Variants in AURKB observed in about 807,000 individuals in gnomAD.
AURKB encodes the protein aurora kinase B-Sv1.
In AURKB, 28 loss-of-function variants were observed where a neutral mutation model predicts 36.5. The observed-to-expected ratio is 0.77, with a 90% CI of 0.57 to 1.05. The LOEUF is 1.05. Ranked by LOEUF, AURKB falls within the 50% of genes least tolerant of loss-of-function variation. The probability of loss-of-function intolerance (pLI) is 0.00; values close to 1 mark genes in which losing one functional copy is unlikely to be tolerated. For synonymous variants in AURKB, 175 were observed against 172.9 expected (o/e 1.01, Z -0.09); for missense variants, 383 against 447.4 (o/e 0.86, Z 1.30).
chr17:8,210,066 T>A, intron 2 of AURKB, 111 bp downstream of exon 2: 1 of 1,409,952 alleles, frequency 7.1e-7, no homozygotes, highest in Middle Eastern at 2.1e-4. Flanking sequence ...CTTTGGAGCA[T>A]AACGGGGAAG....
intron 5 of AURKB, 87 bp downstream of exon 5, chr17:8,207,089 G>A: frequency 2.7e-6 from 4 of 1,507,838 alleles, no homozygotes; most frequent in Non-Finnish European, 3.6e-6. Flanking sequence ...TAGCTACAGA[G>A]AAAGCAATCT....
chr17:8,205,175 T>G (rs1192327349), intron 8 of AURKB, 41 bp downstream of exon 8: 1 of 1,581,500 alleles, frequency 6.3e-7, no homozygotes, highest in Non-Finnish European at 8.6e-7. Context: ...CCCCAGCTCC[T>G]GGCTTCAGCA....
At position 8,206,360 on chromosome 17, in the gene AURKB, A is replaced by G; in HGVS notation, c.686+131T>C. 1 of 1,102,008 alleles carries G rather than the reference A, an allele frequency of 9.1e-7. No homozygotes were observed. The highest frequency in any genetic ancestry group is 1.3e-6 in the Non-Finnish European group (1 of 784,920). The allele number at this position is 1,102,008 out of a possible 1,614,324, so 68.3% of individuals were successfully genotyped here. ...TGGCAAATCTAGTCTCGAACTCCTG[A>G]CCTCAGGTGATCCGCCCTCCTCGGC... On this transcript the variant is annotated intron_variant, in intron 7 of 8. Transcript: ENST00000585124. The surrounding 1 kb of genome is among the most constrained non-coding windows in gnomAD (Gnocchi z 4.2).
rs767082154 is a variant in AURKB, at chr17:8,207,365, C to T, written c.209G>A (p.Arg70Gln). 35 of 1,611,822 alleles carry T rather than the reference C, an allele frequency of 2.2e-5. No homozygotes were observed. The highest frequency in any genetic ancestry group is 3.3e-5 in the South Asian group (3 of 91,024). The change falls in exon 5 of 9, where the codon CGG (arginine) becomes CAG (glutamine). Residue 70 changes from arginine to glutamine, a missense_variant and splice_region_variant. Physicochemically the swap from Arg to Gln is conservative, Grantham distance 43 (BLOSUM62 1). Transcript: ENST00000585124. ...CTCAAAGTCATCAATTGTGAAGTGC[C>T]GCCTGCTTAGAAAGTGGAGGAAGGC... Reference protein sequence around the residue: ...NSSGTPDILTRHFTIDDFEIG... With the variant: ...NSSGTPDILTQHFTIDDFEIG...
rs765003013 is a variant in AURKB, at chr17:8,207,570, C to T, written c.206+1G>A. 10 of 1,613,212 alleles carry T rather than the reference C, an allele frequency of 6.2e-6. No individual in the cohort carries two copies. The highest frequency in any genetic ancestry group is 5.3e-5 in the African/African-American group (4 of 74,888). The stretch of plus-strand genomic sequence containing the variant: ...TCCACCCCCAGGCTTGGGGCACTTA[C>T]GTTAAGATGTCGGGTGTCCCACTGC... On this transcript the variant is annotated splice_donor_variant, in intron 4 of 8. Transcript: ENST00000585124. LOFTEE classifies it high-confidence loss of function.
At chr17:8,207,097 T>C in intron 5 of AURKB, 79 bp downstream of exon 5, 1 of 1,521,096 alleles carries the variant, frequency 6.6e-7, no homozygotes, top group Non-Finnish European at 8.9e-7. Context: ...GAGAAAGCAA[T>C]CTGGATGAAG....
intron 2 of AURKB, among the ~76,000 whole-genome samples, chr17:8,208,552 T>G (rs1170286871): frequency 6.6e-6 from 1 of 151,310 alleles, no homozygotes; most frequent in African/African-American, 2.4e-5. Flanking sequence ...GATCGCACCA[T>G]TGCACTCCAG....
chr17:8,205,320 T>G lies in AURKB; in HGVS notation c.757A>C (p.Lys253Gln). The change falls in exon 8 of 9, where the codon AAG (lysine) becomes CAG (glutamine). Residue 253 changes from lysine to glutamine, a missense_variant. Coordinates refer to ENST00000585124, the MANE Select transcript of AURKB (RefSeq NM_004217.4). ...EMIEGRMHNE[K>Q]VDLWCIGVLC... ...ACTCCAATGCACCACAGATCCACCT[T>G]CTCATTGTGCATGCGCCCCTCAATC... 6.2e-7 allele frequency: 1 copy of G among 1,614,100 alleles called. No homozygotes were observed. Among genetic ancestry groups the G allele is most frequent in the Non-Finnish European group, 8.5e-7 (1 of 1,180,024 alleles).
chr17:8,210,315 C>T, intron 1 of AURKB, 66 bp from the exon 2 acceptor site: 1 of 1,205,922 alleles, frequency 8.3e-7, no homozygotes, highest in Non-Finnish European at 1.2e-6. Flanking sequence ...GGGGTTGGAC[C>T]GATCGAGCCG....
intron 1 of AURKB, 76 bp from the exon 2 acceptor site, chr17:8,210,325 G>A: frequency 8.8e-7 from 1 of 1,139,426 alleles, no homozygotes; most frequent in Non-Finnish European, 1.3e-6. Flanking sequence ...CGATCGAGCC[G>A]GAAGCGCTAG....
rs1985967890 is a variant in AURKB, at chr17:8,210,547, G to A, written c.-43C>T. On this transcript the variant is annotated 5_prime_UTR_variant, in exon 1 of 9. Transcript: ENST00000585124. ...CAGCTCACCTGGGGTCCAAGGCACTGCTACTCTCCCGGCCGCCCGCAAACA... is the reference window on the plus strand; with the variant it reads ...CAGCTCACCTGGGGTCCAAGGCACTACTACTCTCCCGGCCGCCCGCAAACA... The A allele has an allele frequency of 4.9e-6, 2 of 412,328 alleles. No homozygotes were observed. The highest frequency in any genetic ancestry group is 2.1e-5 in the African/African-American group (1 of 47,274). 25.5% of individuals were successfully genotyped at this position (412,328 alleles called of 1,614,324 possible). A position where few individuals can be genotyped will look rare whatever the true frequency, so the allele number is the denominator to read the frequency against.
chr17:8,207,819 G>A lies in AURKB; in HGVS notation c.70C>T (p.Leu24=). ...TCTTTCCGGAGGACTCGCTGGGGCA[G>A]GGTGCTCAGGCCAGATGGAGCCTGA... ...RQTAPSGLST[L]PQRVLRKEPV... Residue 24 remains leucine, a synonymous_variant, in exon 3 of 9, where the codon CTG becomes TTG. Transcript: ENST00000585124. The A allele has an allele frequency of 6.2e-7, 1 of 1,613,794 alleles. No individual in the cohort carries two copies. The highest frequency in any genetic ancestry group is 8.5e-7 in the Non-Finnish European group (1 of 1,179,882).
Position 8,210,218 on chromosome 17 carries a change from G to C in AURKB, c.7C>G (p.Gln3Glu). 6.2e-7 allele frequency: 1 copy of C among 1,608,840 alleles called. No homozygotes were observed. Among genetic ancestry groups the C allele is most frequent in the South Asian group, 1.1e-5 (1 of 89,788 alleles). ...GGCCAGGGGTAGGAGTTCTCCTTCT[G>C]GGCCATCCTTAGAGAGAAAGGGGGA... MA[Q>E]KENSYPWPYG... The change falls in exon 2 of 9, where the codon CAG becomes GAG. Residue 3 changes from glutamine (Q) to glutamate (E), a missense_variant. By Grantham distance (29) the Gln-to-Glu change is conservative. Coordinates refer to ENST00000585124, the MANE Select transcript of AURKB (RefSeq NM_004217.4).
chr17:8,210,150 G>T, intron 2 of AURKB, 27 bp downstream of exon 2: 3 of 1,612,582 alleles, frequency 1.9e-6, no homozygotes, highest in Non-Finnish European at 2.5e-6. Context: ...GGTCATGGGG[G>T]CGCAGGGACG....
In AURKB at chr17:8,205,282, C is replaced by G; in HGVS notation, c.795G>C (p.Glu265Asp). The G allele has an allele frequency of 6.2e-7, 1 of 1,614,224 alleles. No individual in the cohort carries two copies. The highest frequency in any genetic ancestry group is 8.5e-7 in the Non-Finnish European group (1 of 1,180,042). The change falls in exon 8 of 9, where the codon GAG (glutamate) becomes GAC (aspartate). Residue 265 changes from glutamate (E) to aspartate (D), a missense_variant. Glu to Asp is a conservative substitution (Grantham distance 45, BLOSUM62 2). Around this residue, in one of 3 missense-constraint regions of AURKB, gnomAD observed 219 missense variants for 252.6 expected, o/e 0.87. Coordinates refer to ENST00000585124, the MANE Select transcript of AURKB (RefSeq NM_004217.4). ...DLWCIGVLCY[E>D]LLVGNPPFES... The stretch of plus-strand genomic sequence containing the variant: ...CAAAGGGTGGGTTCCCCACCAGCAG[C>G]TCATAGCAAAGCACTCCAATGCACC...
chr17:8,209,188 T>G (rs534128989), intron 2 of AURKB, among the ~76,000 whole-genome samples: 1 of 152,310 alleles, frequency 6.6e-6, no homozygotes, highest in African/African-American at 2.4e-5. Flanking sequence ...AATTTTTGTA[T>G]TTTTAGTAGA....
At position 8,204,904 on chromosome 17, in the gene AURKB, C is replaced by A; in HGVS notation, c.1002G>T (p.Val334=). The change falls in exon 9 of 9, where the codon GTG becomes GTT. Residue 334 remains valine, a synonymous_variant. Transcript: ENST00000585124. ...HPWVRANSRR[V]LPPSALQSVA ...CAGATTGAAGGGCAGAGGGAGGCAG[C>A]ACCCTCCGAGAGTTGGCCCGGACCC... 6.2e-7 allele frequency: 1 copy of A among 1,605,636 alleles called. No individual in the cohort carries two copies. Among genetic ancestry groups the A allele is most frequent in the Non-Finnish European group, 8.5e-7 (1 of 1,178,018 alleles).
chr17:8,205,770 G>A (rs953833717), intron 7 of AURKB, among the ~76,000 whole-genome samples: 5 of 151,820 alleles, frequency 3.3e-5, no homozygotes, highest in South Asian at 2.1e-4. Context: ...CCACTGCTCC[G>A]GGCTTTTTTT....
chr17:8,207,586 G>A lies in AURKB; in HGVS notation c.191C>T (p.Thr64Ile), dbSNP rs2151474280. 1 of 1,613,706 alleles carries A rather than the reference G, an allele frequency of 6.2e-7. No individual in the cohort carries two copies. Among genetic ancestry groups the A allele is most frequent in the Non-Finnish European group, 8.5e-7 (1 of 1,179,754 alleles). ...GGGCACTTACGTTAAGATGTCGGGT[G>A]TCCCACTGCTATTCTCCATCACCTT... is the stretch of plus-strand genomic sequence containing the variant. ...GQKVMENSSG[T>I]PDILTRHFTI... Residue 64 changes from threonine (T) to isoleucine (I), a missense_variant, in exon 4 of 9, where the codon ACA becomes ATA. Thr to Ile is a moderately conservative substitution (Grantham distance 89). This residue lies in a region of AURKB where 105 missense variants were observed against 95.7 expected (regional missense o/e 1.10). Coordinates refer to ENST00000585124, the MANE Select transcript of AURKB (RefSeq NM_004217.4).
Sources: gnomAD v4.1 joint callset for allele counts (sites outside exome capture counted in the v4.1 genomes callset) on GRCh38, gnomAD v4.1.1 for gene constraint, gnomAD v4.1.1 regional missense constraint, Gnocchi (gnomAD v3.1) non-coding constraint, MANE v1.5 for transcripts, NCBI Gene and HGNC (gene_info 2026-07-23, HGNC 2026-07-21) for gene names.